Variants in COL3A1 observed in about 807,000 individuals in gnomAD.
COL3A1 encodes the protein collagen type III alpha 1 chain, also known as collagen alpha-1(III) chain.
COL3A1 carries 46 observed loss-of-function variants against 200.9 expected under a neutral mutation model. The observed-to-expected ratio is 0.23, with a 90% CI of 0.18 to 0.29. COL3A1 has a LOEUF of 0.29. Among genes scored for constraint, COL3A1 ranks in the 10% least tolerant of loss-of-function variants. The pLI is 1.00. For missense variants in COL3A1, 1,367 were observed against 1,917.6 expected (o/e 0.71, Z 5.36); for synonymous variants, 650 against 628.0 (o/e 1.03, Z -0.52).
rs1559056024 is a variant in COL3A1, at chr2:188,994,107, T to A, written c.1194+25T>A. 6.2e-7 allele frequency: 1 copy of A among 1,614,032 alleles called. No homozygotes were observed. Among genetic ancestry groups the A allele is most frequent in the Non-Finnish European group, 8.5e-7 (1 of 1,179,868 alleles). Reference sequence around the variant, plus strand: ...GGTAAGCTGTCCCCACTCCTCAGCCTTATCTCATCCACACATTACTGGCTT... The same window carrying A: ...GGTAAGCTGTCCCCACTCCTCAGCCATATCTCATCCACACATTACTGGCTT... On this transcript the variant is annotated intron_variant, in intron 17 of 50. Transcript: ENST00000304636. The surrounding 1 kb of genome is among the most constrained non-coding windows in gnomAD (Gnocchi z 4.5).
chr2:188,990,654 T>C (rs1688169009), intron 10 of COL3A1, among the ~76,000 whole-genome samples: 1 of 152,186 alleles, frequency 6.6e-6, no homozygotes, highest in Non-Finnish European at 1.5e-5. Context: ...ATATGATTTA[T>C]AGATTGAGTT....
intron 4 of COL3A1, among the ~76,000 whole-genome samples, chr2:188,986,474 A>T (rs1688066524): frequency 6.6e-6 from 1 of 152,042 alleles, no homozygotes; most frequent in African/African-American, 2.4e-5. Flanking sequence ...ACAGAACCTA[A>T]CTCTAGACCT....
At position 188,997,454 on chromosome 2, in the gene COL3A1, A is replaced by G. The variant is rs561204314; in HGVS notation, c.1869+65A>G. 4 of 1,482,568 alleles carry G rather than the reference A, an allele frequency of 2.7e-6. No individual in the cohort carries two copies. The East Asian group carries it at 9.0e-5, about 33-fold the overall frequency. 91.8% of individuals were successfully genotyped at this position (1,482,568 alleles called of 1,614,324 possible). A position where few individuals can be genotyped will look rare whatever the true frequency, so the allele number is the denominator to read the frequency against. ...GGAGGTGGGGCAGGAAGAATGCTTC[A>G]AAAATTACATAATCTCTGACACCAT... On this transcript the variant is annotated intron_variant, in intron 26 of 50. Coordinates refer to ENST00000304636, the MANE Select transcript of COL3A1 (RefSeq NM_000090.4).
intron 13 of COL3A1, 34 bp from the exon 14 acceptor site, chr2:188,992,150 T>C (rs1188474151): frequency 1.2e-6 from 2 of 1,611,676 alleles, no homozygotes; most frequent in East Asian, 4.5e-5. Context: ...CATTCAGAAT[T>C]AAAAGGATAT....
chr2:188,990,485 T>C (rs1375595486), intron 10 of COL3A1, 125 bp downstream of exon 10: 1 of 869,974 alleles, frequency 1.1e-6, no homozygotes, highest in Non-Finnish European at 1.9e-6. Flanking sequence ...TTTGATATTT[T>C]TAAGTCTACT....
intron 5 of COL3A1, 71 bp downstream of exon 5, chr2:188,987,210 C>A: frequency 1.6e-6 from 2 of 1,254,902 alleles, no homozygotes; most frequent in Non-Finnish European, 2.3e-6. Context: ...TGAATGGTTG[C>A]TCTTCTAGGA....
intron 45 of COL3A1, 87 bp from the exon 46 acceptor site, chr2:189,007,798 C>A: frequency 6.7e-7 from 1 of 1,497,242 alleles, no homozygotes; most frequent in Non-Finnish European, 9.3e-7. Context: ...CATCATGATC[C>A]CCATGTTTCT....
At chr2:188,997,783 A>C in intron 27 of COL3A1, 30 bp downstream of exon 27, 1 of 1,605,612 alleles carries the variant, frequency 6.2e-7, no homozygotes, top group Non-Finnish European at 8.5e-7. Flanking sequence ...ATGTCACGGC[A>C]TATCTGACTG....
chr2:188,994,322 G>C lies in COL3A1; in HGVS notation c.1283G>C (p.Arg428Pro), dbSNP rs1021622002. Residue 428 changes from arginine to proline, a missense_variant, in exon 18 of 51, where the codon CGA (arginine) becomes CCA (proline). Arg to Pro is a moderately radical substitution (Grantham distance 103, BLOSUM62 -2). Transcript: ENST00000304636. This position sits in a 1 kb window ranked among gnomAD's most constrained non-coding sequence, Gnocchi z 4.5. ...PAGANGAPGL[R>P]GGAGEPGKNG... The stretch of plus-strand genomic sequence containing the variant: ...GGTGCTAATGGTGCTCCTGGACTGC[G>C]AGGTGGTGCAGTAAGTTGCCTTGTT... The C allele has an allele frequency of 6.2e-7, 1 of 1,613,596 alleles. No individual in the cohort carries two copies.
At chr2:188,980,220 TAAG>T (rs1230266921) in intron 1 of COL3A1, among the ~76,000 whole-genome samples, 1 of 151,508 alleles carries the variant, frequency 6.6e-6, no homozygotes, top group Non-Finnish European at 1.5e-5. Context: ...AATTTGACAC[TAAG>T]AAGATTTTAT....
At chr2:188,993,741 A>G (rs376005492) in intron 16 of COL3A1, among the ~76,000 whole-genome samples, 58 of 152,308 alleles carry the variant, frequency 3.8e-4, no homozygotes, top group African/African-American at 1.3e-3. Flanking sequence ...TGATGCTTTC[A>G]AGAATGTGCC....
chr2:188,988,005 T>C (rs1265433004), intron 5 of COL3A1, 76 bp from the exon 6 acceptor site: 7 of 1,081,574 alleles, frequency 6.5e-6, no homozygotes, highest in Non-Finnish European at 8.6e-6. Flanking sequence ...ACAATGCGAG[T>C]GTCATTGCTT....
intron 43 of COL3A1, 71 bp downstream of exon 43, chr2:189,006,523 T>G: frequency 5.5e-6 from 8 of 1,467,376 alleles, no homozygotes; most frequent in Non-Finnish European, 7.5e-6. Flanking sequence ...AGGTAGAAGG[T>G]AGAATGTCAG....
chr2:188,974,445 C>A lies in COL3A1; in HGVS notation c.-45C>A, dbSNP rs1687763323. ...GATGGTGCTACTTTGAACTGCTTTT[C>A]TTTTCTCCTTTTTGCACAAAGAGTC... is the stretch of plus-strand genomic sequence containing the variant. On this transcript the variant is annotated 5_prime_UTR_variant, in exon 1 of 51. Transcript: ENST00000304636. 1 of 1,512,274 alleles carries A rather than the reference C, an allele frequency of 6.6e-7. No homozygotes were observed. Among genetic ancestry groups the A allele is most frequent in the Non-Finnish European group, 9.2e-7 (1 of 1,088,948 alleles). 93.7% of individuals were successfully genotyped at this position (1,512,274 alleles called of 1,614,324 possible).
intron 34 of COL3A1, 100 bp from the exon 35 acceptor site, chr2:189,002,198 G>C: frequency 9.9e-7 from 1 of 1,014,322 alleles, no homozygotes. Context: ...CACATTTCCT[G>C]CTTAAAGGAA....
At position 188,984,876 on chromosome 2, in the gene COL3A1, A is replaced by C. The variant is rs2153501357; in HGVS notation, c.196A>C (p.Ile66Leu). The C allele has an allele frequency of 1.9e-6, 3 of 1,613,242 alleles. No individual in the cohort carries two copies. The highest frequency in any genetic ancestry group is 2.5e-6 in the Non-Finnish European group (3 of 1,179,436). Residue 66 changes from isoleucine to leucine, a missense_variant, in exon 2 of 51, where the codon ATA becomes CTA. By Grantham distance (5) the Ile-to-Leu change is conservative (BLOSUM62 2). This residue lies in a region of COL3A1 where 462 missense variants were observed against 681.4 expected (regional missense o/e 0.68). Coordinates refer to ENST00000304636, the MANE Select transcript of COL3A1 (RefSeq NM_000090.4). ...AGGATCCGTTCTCTGCGATGACATA[A>C]TATGTGACGATCAAGAATTAGACTG... is the stretch of plus-strand genomic sequence containing the variant. ...DSGSVLCDDI[I>L]CDDQELDCPN...
At position 188,984,908 on chromosome 2, in the gene COL3A1, C is replaced by CATGCT; in HGVS notation, c.228_229insATGCT (p.Pro77MetfsTer90). The CATGCT allele has an allele frequency of 6.2e-7, 1 of 1,613,180 alleles. No homozygotes were observed. The highest frequency in any genetic ancestry group is 8.5e-7 in the Non-Finnish European group (1 of 1,179,414). Reference sequence around the variant, plus strand: ...ACGATCAAGAATTAGACTGCCCCAACCCAGAAATTCCATTTGGAGAATGTT... The same window carrying CATGCT: ...ACGATCAAGAATTAGACTGCCCCAACATGCTCCAGAAATTCCATTTGGAGAATGTT... On this transcript the variant is annotated frameshift_variant, in exon 2 of 51. Transcript: ENST00000304636. LOFTEE classifies it high-confidence loss of function.
In COL3A1 at chr2:188,984,963, G is replaced by GAAAAACAAGTTAGA; in HGVS notation, c.282+1_282+2insAAAAACAAGTTAGA. ...AGTTTGCCCACAGCCTCCAACTGCT[G>GAAAAACAAGTTAGA]TGAGTTTAAAGATAAACTGTACATC... On this transcript the variant is annotated splice_donor_variant, in intron 2 of 50. Transcript: ENST00000304636. LOFTEE classifies it high-confidence loss of function. 6.2e-7 allele frequency: 1 copy of GAAAAACAAGTTAGA among 1,612,352 alleles called. No individual in the cohort carries two copies. The highest frequency in any genetic ancestry group is 1.7e-5 in the Admixed American group (1 of 59,836).
At chr2:188,982,632 G>A (rs1687976874) in intron 1 of COL3A1, among the ~76,000 whole-genome samples, 1 of 151,740 alleles carries the variant, frequency 6.6e-6, no homozygotes, top group Non-Finnish European at 1.5e-5. Flanking sequence ...CTGATCCAGA[G>A]GCAATGAGCT....
Sources: gnomAD v4.1 joint callset for allele counts (sites outside exome capture counted in the v4.1 genomes callset) on GRCh38, gnomAD v4.1.1 for gene constraint, gnomAD v4.1.1 regional missense constraint, Gnocchi (gnomAD v3.1) non-coding constraint, MANE v1.5 for transcripts, NCBI Gene and HGNC (gene_info 2026-07-23, HGNC 2026-07-21) for gene names.